TMEM163: variants seen among roughly 807,000 people sequenced by gnomAD.
TMEM163 encodes the protein transmembrane protein 163.
TMEM163 carries 17 observed loss-of-function variants against 29.3 expected under a neutral mutation model. The observed-to-expected ratio is 0.58, with a 90% CI of 0.40 to 0.87. TMEM163 has a LOEUF of 0.87. Among genes scored for constraint, TMEM163 ranks in the 40% least tolerant of loss-of-function variants. The pLI is 0.00. For missense variants in TMEM163, 303 were observed against 381.5 expected (o/e 0.79, Z 1.71); for synonymous variants, 157 against 160.6 (o/e 0.98, Z 0.17).
intron 2 of TMEM163, among the ~76,000 whole-genome samples, chr2:134,661,920 A>ATTTTTT (rs1683759735): frequency 8.2e-5 from 9 of 110,074 alleles, no homozygotes; most frequent in Non-Finnish European, 9.4e-5. Flanking sequence ...GGATTCATTA[A>ATTTTTT]TTTTCTTTCT....
At chr2:134,595,995 G>T (rs1021939350) in intron 2 of TMEM163, among the ~76,000 whole-genome samples, 25 of 152,092 alleles carry the variant, frequency 1.6e-4, no homozygotes, top group African/African-American at 6.0e-4. Context: ...TGAGTTCTTT[G>T]TAGATTCTGG....
At chr2:134,590,247 C>G (rs1681909725) in intron 2 of TMEM163, among the ~76,000 whole-genome samples, 1 of 152,070 alleles carries the variant, frequency 6.6e-6, no homozygotes, top group Non-Finnish European at 1.5e-5. Flanking sequence ...GTAACTTGCC[C>G]TAGATCACAA....
At chr2:134,664,501 T>C (rs57090975) in intron 2 of TMEM163, among the ~76,000 whole-genome samples, 15,835 of 152,186 alleles carry the variant, frequency 0.1, 989 homozygotes, top group South Asian at 0.17. Context: ...CATTACCTTG[T>C]AGGGGAAAAG....
At chr2:134,715,266 G>A (rs747067237) in intron 1 of TMEM163, among the ~76,000 whole-genome samples, 1 of 152,078 alleles carries the variant, frequency 6.6e-6, no homozygotes, top group Non-Finnish European at 1.5e-5. Flanking sequence ...AACTGGTCCT[G>A]ACCACACATG....
At chr2:134,550,033 G>T (rs752613569) in intron 4 of TMEM163, among the ~76,000 whole-genome samples, 1 of 152,138 alleles carries the variant, frequency 6.6e-6, no homozygotes, top group Admixed American at 6.5e-5. Context: ...GTTTACAAAT[G>T]ATATAAAGAG....
At chr2:134,573,197 A>G (rs1361780298) in intron 2 of TMEM163, among the ~76,000 whole-genome samples, 1 of 152,220 alleles carries the variant, frequency 6.6e-6, no homozygotes, top group Non-Finnish European at 1.5e-5. Context: ...GCATGAACAC[A>G]GAAGAGCAGT....
chr2:134,637,303 C>A (rs1464546239), intron 2 of TMEM163, among the ~76,000 whole-genome samples: 1 of 152,186 alleles, frequency 6.6e-6, no homozygotes, highest in African/African-American at 2.4e-5. Context: ...GTGAGATGAA[C>A]TGCCAAGTCT....
At chr2:134,667,456 T>C (rs1237250830) in intron 2 of TMEM163, among the ~76,000 whole-genome samples, 1 of 152,148 alleles carries the variant, frequency 6.6e-6, no homozygotes, top group Non-Finnish European at 1.5e-5. Context: ...GGATGTAGAA[T>C]ATGGAAACCT....
intron 2 of TMEM163, among the ~76,000 whole-genome samples, chr2:134,627,558 G>C (rs1338547397): frequency 6.6e-6 from 1 of 152,114 alleles, no homozygotes; most frequent in African/African-American, 2.4e-5. Flanking sequence ...CATAGAAACA[G>C]ATGGCTTATT....
intron 4 of TMEM163, among the ~76,000 whole-genome samples, chr2:134,515,624 G>A (rs1349360172): frequency 1.3e-5 from 2 of 152,034 alleles, no homozygotes; most frequent in African/African-American, 4.8e-5. Context: ...TGCCACAAAG[G>A]GAGTGTTTAA....
intron 2 of TMEM163, among the ~76,000 whole-genome samples, chr2:134,662,404 G>A (rs1162350109): frequency 6.6e-6 from 1 of 152,184 alleles, no homozygotes; most frequent in Non-Finnish European, 1.5e-5. Flanking sequence ...TATGTGTCAA[G>A]CTCATGGGTA....
intron 2 of TMEM163, among the ~76,000 whole-genome samples, chr2:134,573,099 AT>A (rs1439224451): frequency 7.2e-5 from 11 of 152,210 alleles, no homozygotes; most frequent in African/African-American, 2.7e-4. Flanking sequence ...CTGAAAGAAA[AT>A]TAAGGGGCTT....
chr2:134,573,650 C>G (rs529991990), intron 2 of TMEM163, among the ~76,000 whole-genome samples: 1 of 152,170 alleles, frequency 6.6e-6, no homozygotes, highest in East Asian at 1.9e-4. Context: ...GATGTGATGC[C>G]GAGAGTTCTG....
At chr2:134,571,866 C>T (rs976418143) in intron 2 of TMEM163, among the ~76,000 whole-genome samples, 7 of 152,156 alleles carry the variant, frequency 4.6e-5, no homozygotes, top group Non-Finnish European at 8.8e-5. Flanking sequence ...CATATACTGC[C>T]TGGCATGTAC....
intron 2 of TMEM163, among the ~76,000 whole-genome samples, chr2:134,558,581 T>A (rs1462202494): frequency 2.0e-5 from 3 of 152,138 alleles, no homozygotes; most frequent in Non-Finnish European, 4.4e-5. Context: ...TGCAGCTGAA[T>A]CAGCAGCAGG....
At chr2:134,644,913 T>C (rs1185031226) in intron 2 of TMEM163, among the ~76,000 whole-genome samples, 1 of 152,070 alleles carries the variant, frequency 6.6e-6, no homozygotes, top group Non-Finnish European at 1.5e-5. Context: ...CTGTCAAAAC[T>C]CAACTGTAAG....
chr2:134,718,943 G>A lies in TMEM163; in HGVS notation c.-8C>T, dbSNP rs1685103060. The stretch of plus-strand genomic sequence containing the variant: ...GCCCGCGGCCGGCTCCATGGCGCGG[G>A]GCTGCGGATCCCGGCGGCGGCGACG... On this transcript the variant is annotated 5_prime_UTR_variant, in exon 1 of 8. Coordinates refer to ENST00000281924, the MANE Select transcript of TMEM163 (RefSeq NM_030923.5). 9.6e-7 allele frequency: 1 copy of A among 1,042,694 alleles called. No individual in the cohort carries two copies. Among genetic ancestry groups the A allele is most frequent in the Non-Finnish European group, 1.2e-6 (1 of 868,990 alleles). The allele number at this position is 1,042,694 out of a possible 1,614,324, so 64.6% of individuals were successfully genotyped here. A position where few individuals can be genotyped will look rare whatever the true frequency, so the allele number is the denominator to read the frequency against.
At chr2:134,514,539 C>A (rs1680015308) in intron 4 of TMEM163, among the ~76,000 whole-genome samples, 1 of 152,128 alleles carries the variant, frequency 6.6e-6, no homozygotes, top group Non-Finnish European at 1.5e-5. Context: ...CCATCCTGGG[C>A]CACATGGTCA....
At chr2:134,528,828 T>C (rs1459247207) in intron 4 of TMEM163, among the ~76,000 whole-genome samples, 1 of 152,214 alleles carries the variant, frequency 6.6e-6, no homozygotes, top group African/African-American at 2.4e-5. Context: ...TATAAAGCCC[T>C]TCACTGCTAT....
Sources: gnomAD v4.1 joint callset for allele counts (sites outside exome capture counted in the v4.1 genomes callset) on GRCh38, gnomAD v4.1.1 for gene constraint, MANE v1.5 for transcripts, NCBI Gene and HGNC (gene_info 2026-07-23, HGNC 2026-07-21) for gene names.